GPR155: variants seen among roughly 807,000 people sequenced by gnomAD.
GPR155 encodes lysosomal cholesterol signaling protein.
A neutral mutation model predicts 93.1 loss-of-function variants in GPR155; 65 were observed. The observed-to-expected ratio is 0.70, with a 90% CI of 0.57 to 0.86. GPR155 has a LOEUF of 0.86. Ranked by LOEUF, GPR155 falls within the 40% of genes least tolerant of loss-of-function variation. The pLI, the probability that GPR155 is intolerant of heterozygous loss-of-function variation, is 0.00. For missense variants in GPR155, 838 were observed against 1,034.8 expected (o/e 0.81, Z 2.61); for synonymous variants, 319 against 360.1 (o/e 0.89, Z 1.29).
chr2:174,447,543 G>A lies in GPR155; in HGVS notation c.1877-796C>T, dbSNP rs142505489. 2.2e-4 allele frequency among the ~76,000 whole-genome samples: 32 copies of A among 143,786 alleles called. No homozygotes were observed. The East Asian group carries it at 5.8e-3, about 26-fold the overall frequency. The allele number at this position is 143,786 out of a possible 152,430, so 94.3% of individuals were successfully genotyped here. A position where few individuals can be genotyped will look rare whatever the true frequency, so the allele number is the denominator to read the frequency against. ...TTATATATAATTATATATGTAATTT[G>A]TGCATATTATATAAATTACAAATTA... On this transcript the variant is annotated intron_variant, in intron 11 of 15. Coordinates refer to ENST00000392552, the MANE Select transcript of GPR155 (RefSeq NM_152529.7).
chr2:174,458,848 G>A (rs915600007), intron 10 of GPR155, among the ~76,000 whole-genome samples: 1 of 152,134 alleles, frequency 6.6e-6, no homozygotes, highest in Non-Finnish European at 1.5e-5. Flanking sequence ...AGCACATTGG[G>A]AGGCCGAGGC....
chr2:174,443,467 C>A (rs1237122185), intron 13 of GPR155, among the ~76,000 whole-genome samples: 3 of 152,126 alleles, frequency 2.0e-5, no homozygotes, highest in African/African-American at 7.2e-5. Context: ...GTGGCCCATG[C>A]CCGTTAATAC....
chr2:174,437,982 G>A (rs1319849312), intron 15 of GPR155, among the ~76,000 whole-genome samples: 1 of 151,886 alleles, frequency 6.6e-6, no homozygotes, highest in African/African-American at 2.4e-5. Flanking sequence ...TGGGTATGGT[G>A]GCTCACGCTT....
intron 11 of GPR155, among the ~76,000 whole-genome samples, chr2:174,453,224 AAC>A (rs1687375611): frequency 6.6e-6 from 1 of 152,210 alleles, no homozygotes; most frequent in Admixed American, 6.5e-5. Flanking sequence ...ACTTTGTGAG[AAC>A]TTTATTTTTT....
chr2:174,434,793 CTTT>C lies in GPR155; in HGVS notation c.*1320_*1322del, dbSNP rs35253539. The C allele has an allele frequency of 4.5e-4, 64 of 141,204 alleles. No individual in the cohort carries two copies. The highest frequency in any genetic ancestry group is 6.4e-4 in the Non-Finnish European group (42 of 65,656). The allele number at this position is 141,204 out of a possible 1,614,324, so 8.7% of individuals were successfully genotyped here. On this transcript the variant is annotated 3_prime_UTR_variant, in exon 16 of 16. Transcript: ENST00000392552. ...GGTATTCTTTTTTCTTTTTCTTTTTCTTTTTTTTTTTTTTTAGTACAGACCGGG... is the reference window on the plus strand; with the variant it reads ...GGTATTCTTTTTTCTTTTTCTTTTTCTTTTTTTTTTTTAGTACAGACCGGG...
In GPR155 at chr2:174,481,758, A is replaced by G; in HGVS notation, c.199T>C (p.Ser67Pro). The change falls in exon 2 of 16, where the codon TCA (serine) becomes CCA (proline). Residue 67 changes from serine to proline, a missense_variant. This residue lies in a region of GPR155 where 663 missense variants were observed against 790.1 expected (regional missense o/e 0.84). Coordinates refer to ENST00000392552, the MANE Select transcript of GPR155 (RefSeq NM_152529.7). ...TTTCCTAGTCCTTTGGCCTGGGTTG[A>G]TGTTATGACATTGGCCCTTCCTGCT... ...YIAGRANVIT[S>P]TQAKGLGNFV... 3 of 1,614,220 alleles carry G rather than the reference A, an allele frequency of 1.9e-6. No homozygotes were observed. Among genetic ancestry groups the G allele is most frequent in the Non-Finnish European group, 2.5e-6 (3 of 1,180,020 alleles).
chr2:174,439,235 G>T (rs1459492050), intron 15 of GPR155, among the ~76,000 whole-genome samples: 2 of 151,876 alleles, frequency 1.3e-5, no homozygotes, highest in Non-Finnish European at 2.9e-5. Context: ...AAAGTATTTG[G>T]TTCTTTATAT....
intron 15 of GPR155, among the ~76,000 whole-genome samples, chr2:174,437,039 C>CT (rs1481828340): frequency 1.3e-5 from 2 of 152,146 alleles, no homozygotes; most frequent in African/African-American, 4.8e-5. Context: ...TGCTACAAAT[C>CT]TAAGATTTTT....
chr2:174,442,242 GAAGTT>G (rs530251240), intron 13 of GPR155, 59 bp from the exon 14 acceptor site: 16 of 913,354 alleles, frequency 1.8e-5, no homozygotes, highest in Admixed American at 5.7e-5. Flanking sequence ...TTAAAACAGA[GAAGTT>G]AAGGAAGTCA....
Position 174,440,807 on chromosome 2 carries a change from T to G in GPR155, c.2175-772A>C, listed in dbSNP as rs1239860744. Among the ~76,000 whole-genome samples the G allele has an allele frequency of 1.3e-5, 2 of 152,204 alleles. 1 individual carries two copies. Among genetic ancestry groups the G allele is most frequent in the Non-Finnish European group, 2.9e-5 (2 of 68,032 alleles). ...CATTGGAGTATTACTACTTGTTATT[T>G]TTCATAAAGAAATCCCTGATCTTAA... On this transcript the variant is annotated intron_variant, in intron 14 of 15. Transcript: ENST00000392552.
Position 174,473,140 on chromosome 2 carries a change from AG to A in GPR155, c.684del (p.Phe229SerfsTer40). On this transcript the variant is annotated frameshift_variant, in exon 3 of 16. Coordinates refer to ENST00000392552, the MANE Select transcript of GPR155 (RefSeq NM_152529.7). LOFTEE classifies it high-confidence loss of function. ...PIVFMVFIGI[A>X]FNFILDRKVP... ...ACCTTTCGATCAAGAATAAAATTGA[AG>A]GCGATGCCAATGAAGACCATAAATA... 6.2e-6 allele frequency: 10 copies of A among 1,611,360 alleles called. No homozygotes were observed. The highest frequency in any genetic ancestry group is 8.5e-6 in the Non-Finnish European group (10 of 1,179,350).
At chr2:174,486,334 CA>C (rs1688479102) in intron 1 of GPR155, among the ~76,000 whole-genome samples, 1 of 152,150 alleles carries the variant, frequency 6.6e-6, no homozygotes, top group South Asian at 2.1e-4. Context: ...GAGCAGCTGC[CA>C]GCCAACCCCT....
At chr2:174,461,095 T>C (rs904011764) in intron 9 of GPR155, among the ~76,000 whole-genome samples, 4 of 152,222 alleles carry the variant, frequency 2.6e-5, no homozygotes, top group African/African-American at 9.6e-5. Flanking sequence ...ACCTTTATTA[T>C]TACTGCTAAC....
In GPR155 at chr2:174,431,734, C is replaced by T. The variant is rs190396787; in HGVS notation, c.*4382G>A. On this transcript the variant is annotated 3_prime_UTR_variant, in exon 16 of 16. Transcript: ENST00000392552. Reference sequence around the variant, plus strand: ...TGGCCTAAAGTAATTTAATATTTTACATGATGAGATATGAAGGGGCAAACA... The same window carrying T: ...TGGCCTAAAGTAATTTAATATTTTATATGATGAGATATGAAGGGGCAAACA... The T allele has an allele frequency of 6.6e-6, 1 of 152,280 alleles. No homozygotes were observed. The highest frequency in any genetic ancestry group is 6.5e-5 in the Admixed American group (1 of 15,300). 9.4% of individuals were successfully genotyped at this position (152,280 alleles called of 1,614,324 possible). A position where few individuals can be genotyped will look rare whatever the true frequency, so the allele number is the denominator to read the frequency against.
intron 2 of GPR155, among the ~76,000 whole-genome samples, 184 bp from the exon 3 acceptor site, chr2:174,473,548 T>C (rs923586788): frequency 2.0e-5 from 3 of 152,124 alleles, no homozygotes; most frequent in African/African-American, 7.2e-5. Context: ...ATAATAAATA[T>C]CATATAGCTT....
rs1161315268 is a variant in GPR155, at chr2:174,433,934, G to A, written c.*2182C>T. 6.6e-6 allele frequency: 1 copy of A among 151,328 alleles called. No individual in the cohort carries two copies. The highest frequency in any genetic ancestry group is 1.5e-5 in the Non-Finnish European group (1 of 67,862). The allele number at this position is 151,328 out of a possible 1,614,324, so 9.4% of individuals were successfully genotyped here. On this transcript the variant is annotated 3_prime_UTR_variant, in exon 16 of 16. Coordinates refer to ENST00000392552, the MANE Select transcript of GPR155 (RefSeq NM_152529.7). ...TTTTTATACATGGACACTTTAAAAA[G>A]ACTAAATTCTAAATGTAATCTTTAG...
At chr2:174,462,422 T>TG (rs777990300) in intron 7 of GPR155, among the ~76,000 whole-genome samples, 2 of 152,206 alleles carry the variant, frequency 1.3e-5, no homozygotes, top group Non-Finnish European at 2.9e-5. Context: ...GCAATTTTCA[T>TG]GCCTTAGCCA....
In GPR155 at chr2:174,459,971, G is replaced by C. The variant is rs769801327; in HGVS notation, c.1678C>G (p.His560Asp). 36 of 1,613,926 alleles carry C rather than the reference G, an allele frequency of 2.2e-5. No individual in the cohort carries two copies. The highest frequency in any genetic ancestry group is 3.0e-5 in the Non-Finnish European group (35 of 1,179,994). ...GTATTTCCAGGCTCCACCACTTTGT[G>C]GCTCTGAGACTGATCGAAACCTTCA... ...SYEGFDQSQS[H>D]KVVEPGNTAF... Residue 560 changes from histidine (H) to aspartate (D), a missense_variant, in exon 10 of 16, where the codon CAC (histidine) becomes GAC (aspartate). This residue lies in a region of GPR155 where 663 missense variants were observed against 790.1 expected (regional missense o/e 0.84). Transcript: ENST00000392552.
At chr2:174,452,533 A>G (rs1245822073) in intron 11 of GPR155, among the ~76,000 whole-genome samples, 1 of 152,238 alleles carries the variant, frequency 6.6e-6, no homozygotes, top group East Asian at 1.9e-4. Flanking sequence ...TTGATTATAA[A>G]TAAGTATAAT....
Sources: allele counts gnomAD v4.1 joint callset (sites outside exome capture counted in the v4.1 genomes callset), GRCh38; gene constraint gnomAD v4.1.1; regional missense constraint gnomAD v4.1.1; transcripts MANE v1.5; gene names NCBI Gene and HGNC (gene_info 2026-07-23, HGNC 2026-07-21).